The following THUMPD2 variants were observed in gnomAD, a reference collection of about 807,000 sequenced individuals.
THUMPD2 encodes U6 snRNA (guanine-N(2))-methyltransferase THUMPD2.
A neutral mutation model predicts 49.4 loss-of-function variants in THUMPD2; 56 were observed. The ratio of observed to expected loss-of-function variants is 1.13; its 90% CI spans 0.91 to 1.41. THUMPD2 has a LOEUF of 1.41. THUMPD2 is among the 40% of genes most tolerant of loss of function. The pLI is 0.00. For synonymous variants in THUMPD2, 237 were observed against 205.2 expected, an observed-to-expected ratio of 1.15 and a Z score of -1.32; for missense variants, 709 against 594.5, an observed-to-expected ratio of 1.19 and a Z score of -2.00.
At chr2:39,751,483 G>GT (rs1675390265) in intron 8 of THUMPD2, among the ~76,000 whole-genome samples, 1 of 151,746 alleles carries the variant, frequency 6.6e-6, no homozygotes, top group African/African-American at 2.4e-5. Flanking sequence ...AATCATAAAT[G>GT]TGTTTCTTTT....
chr2:39,773,792 A>T (rs1440100854), intron 1 of THUMPD2, among the ~76,000 whole-genome samples: 2 of 151,972 alleles, frequency 1.3e-5, no homozygotes, highest in Non-Finnish European at 2.9e-5. Context: ...CCAAAACTGC[A>T]ACATTATTCT....
At chr2:39,767,694 T>G (rs1677738098) in intron 4 of THUMPD2, among the ~76,000 whole-genome samples, 1 of 151,520 alleles carries the variant, frequency 6.6e-6, no homozygotes, top group African/African-American at 2.4e-5. Flanking sequence ...ACATTTAGTA[T>G]GACAAACAAT....
Position 39,779,173 on chromosome 2 carries a change from C to T in THUMPD2, c.67G>A (p.Gly23Ser), listed in dbSNP as rs1163802013. ...ATTACGAACGGCTCCAGGCCGCGAC[C>T]CGCAGTGCAGAAGAATCGGGCGCCA... ...EAGARFFCTA[G>S]RGLEPFVMRE... Residue 23 changes from glycine to serine, a missense_variant, in exon 1 of 10, where the codon GGT (glycine) becomes AGT (serine). Gly to Ser is a moderately conservative substitution (Grantham distance 56). Transcript: ENST00000505747. The T allele has an allele frequency of 2.0e-5, 30 of 1,521,068 alleles. No individual in the cohort carries two copies. Among genetic ancestry groups the T allele is most frequent in the Non-Finnish European group, 2.5e-5 (28 of 1,139,778 alleles). The allele number at this position is 1,521,068 out of a possible 1,614,324, so 94.2% of individuals were successfully genotyped here. A position where few individuals can be genotyped will look rare whatever the true frequency, so the allele number is the denominator to read the frequency against.
rs1673069177 is a variant in THUMPD2, at chr2:39,736,243, CA to C, written c.*491del. On this transcript the variant is annotated 3_prime_UTR_variant, in exon 10 of 10. Coordinates refer to ENST00000505747, the MANE Select transcript of THUMPD2 (RefSeq NM_025264.5). Reference sequence around the variant, plus strand: ...AGTTATTATTCTCACTGTTGGTTTACATAATAAACATATAAAATGTATTGCA... The same window carrying C: ...AGTTATTATTCTCACTGTTGGTTTACTAATAAACATATAAAATGTATTGCA... 1 of 152,684 alleles carries C rather than the reference CA, an allele frequency of 6.5e-6. No homozygotes were observed. The highest frequency in any genetic ancestry group is 2.1e-4 in the South Asian group (1 of 4,860). The allele number at this position is 152,684 out of a possible 1,614,324, so 9.5% of individuals were successfully genotyped here. A position where few individuals can be genotyped will look rare whatever the true frequency, so the allele number is the denominator to read the frequency against.
At chr2:39,765,953 C>G in intron 5 of THUMPD2, 104 bp downstream of exon 5, 1 of 901,140 alleles carries the variant, frequency 1.1e-6, no homozygotes. Flanking sequence ...TGCCTTTAGC[C>G]TTCTCTGTTA....
At chr2:39,737,744 C>T (rs931731245) in intron 9 of THUMPD2, among the ~76,000 whole-genome samples, 2 of 152,074 alleles carry the variant, frequency 1.3e-5, no homozygotes, top group African/African-American at 4.8e-5. Flanking sequence ...GAGGAAGATA[C>T]CTGTGCTATG....
chr2:39,746,993 C>T (rs773530409), intron 8 of THUMPD2, among the ~76,000 whole-genome samples: 1 of 152,184 alleles, frequency 6.6e-6, no homozygotes, highest in East Asian at 1.9e-4. Context: ...ATCCTTATCA[C>T]TAATCATTTT....
intron 8 of THUMPD2, among the ~76,000 whole-genome samples, chr2:39,744,940 A>G (rs1246231737): frequency 6.6e-6 from 1 of 152,168 alleles, no homozygotes; most frequent in Non-Finnish European, 1.5e-5. Context: ...AAGGTTAAGA[A>G]TATCTATTAA....
intron 8 of THUMPD2, among the ~76,000 whole-genome samples, chr2:39,745,691 A>G (rs1674484403): frequency 6.6e-6 from 1 of 152,200 alleles, no homozygotes; most frequent in African/African-American, 2.4e-5. Context: ...TTTAGAAACA[A>G]TGATTTTTTT....
intron 8 of THUMPD2, among the ~76,000 whole-genome samples, chr2:39,745,273 A>C (rs1052655822): frequency 6.6e-6 from 1 of 152,184 alleles, no homozygotes; most frequent in African/African-American, 2.4e-5. Context: ...TAAATATCAA[A>C]AGTTTCTGTT....
chr2:39,768,301 T>C, intron 4 of THUMPD2, 123 bp downstream of exon 4: 1 of 786,200 alleles, frequency 1.3e-6, no homozygotes, highest in Admixed American at 2.7e-5. Flanking sequence ...AATGGACTGT[T>C]GGATCCCTGT....
chr2:39,778,955 C>G (rs1248057746), intron 1 of THUMPD2, among the ~76,000 whole-genome samples, 159 bp downstream of exon 1: 14 of 152,212 alleles, frequency 9.2e-5, no homozygotes, highest in Admixed American at 9.2e-4. Flanking sequence ...TTCTCTCGGC[C>G]GGAGCGGAAG....
At chr2:39,772,824 T>C (rs534388804) in intron 1 of THUMPD2, among the ~76,000 whole-genome samples, 7 of 152,288 alleles carry the variant, frequency 4.6e-5, no homozygotes, top group South Asian at 4.2e-4. Context: ...CTACCATCCA[T>C]GGGTACTTGA....
chr2:39,755,019 G>T (rs142520039), intron 8 of THUMPD2, among the ~76,000 whole-genome samples: 28 of 147,054 alleles, frequency 1.9e-4, no homozygotes, highest in African/African-American at 6.3e-4. Context: ...TACGAGAAAT[G>T]GTTCAGATGC....
chr2:39,757,471 G>A (rs1333251000), intron 6 of THUMPD2: 10 of 1,203,382 alleles, frequency 8.3e-6, no homozygotes, highest in African/African-American at 3.2e-5. Context: ...GGGCAGTAAG[G>A]AGCAGAAGGA....
chr2:39,771,516 G>A lies in THUMPD2; in HGVS notation c.251C>T (p.Ser84Phe), dbSNP rs201521361. Residue 84 changes from serine (S) to phenylalanine (F), a missense_variant, in exon 2 of 10, where the codon TCT becomes TTT. Coordinates refer to ENST00000505747, the MANE Select transcript of THUMPD2 (RefSeq NM_025264.5). ...TGAATATGCCATACCTTTACTTACA[G>A]AAGAAATAATAAGTGGAAACTGCTT... is the stretch of plus-strand genomic sequence containing the variant. The part of the protein sequence containing the change: ...IKKQFPLIIS[S>F]VSKGKIFNEM... The A allele has an allele frequency of 8.2e-5, 132 of 1,600,308 alleles. No individual in the cohort carries two copies. Among genetic ancestry groups the A allele is most frequent in the Non-Finnish European group, 1.0e-4 (119 of 1,176,390 alleles).
At chr2:39,773,194 G>C (rs556829454) in intron 1 of THUMPD2, among the ~76,000 whole-genome samples, 38 of 152,208 alleles carry the variant, frequency 2.5e-4, no homozygotes, top group Non-Finnish European at 5.1e-4. Flanking sequence ...TTAGAAACTT[G>C]AAAACAAAGT....
At chr2:39,757,454 C>A in intron 6 of THUMPD2, 2 of 1,282,468 alleles carry the variant, frequency 1.6e-6, no homozygotes, top group Non-Finnish European at 2.0e-6. Context: ...ACAAATCCCC[C>A]ATGAAGGGGC....
Position 39,766,343 on chromosome 2 carries a change from A to G in THUMPD2, c.751-234T>C, listed in dbSNP as rs1189337905. 5 of 321,854 alleles carry G rather than the reference A, an allele frequency of 1.6e-5. No individual in the cohort carries two copies. In the East Asian group the frequency reaches 2.9e-4, roughly 19 times the overall value. 19.9% of individuals were successfully genotyped at this position (321,854 alleles called of 1,614,324 possible). A position where few individuals can be genotyped will look rare whatever the true frequency, so the allele number is the denominator to read the frequency against. The stretch of plus-strand genomic sequence containing the variant: ...TTCTGAGGTCAATTTATTATATAGG[A>G]GAGTCATGTTACAAAGAACTCAAAA... On this transcript the variant is annotated intron_variant, in intron 4 of 9. Coordinates refer to ENST00000505747, the MANE Select transcript of THUMPD2 (RefSeq NM_025264.5).
Sources: gnomAD v4.1 joint callset for allele counts (sites outside exome capture counted in the v4.1 genomes callset) on GRCh38, gnomAD v4.1.1 for gene constraint, MANE v1.5 for transcripts, NCBI Gene and HGNC (gene_info 2026-07-23, HGNC 2026-07-21) for gene names.